The following RBMS1 variants were observed in gnomAD, a reference collection of about 807,000 sequenced individuals.
RBMS1 encodes the protein RNA-binding motif, single-stranded-interacting protein 1.
RBMS1 carries 17 observed loss-of-function variants against 62.3 expected under a neutral mutation model. The ratio of observed to expected loss-of-function variants is 0.27; its 90% CI spans 0.19 to 0.41. The LOEUF (loss-of-function observed/expected upper bound fraction) is 0.41, where lower values mean the gene tolerates loss of function less well. RBMS1 is among the 10% of genes least tolerant of loss of function. The pLI is 1.00. For missense variants in RBMS1, 334 were observed against 504.5 expected (o/e 0.66, Z 3.24); for synonymous variants, 172 against 170.0 (o/e 1.01, Z -0.09).
chr2:160,304,283 T>C (rs543197459), intron 4 of RBMS1, among the ~76,000 whole-genome samples: 19 of 152,204 alleles, frequency 1.2e-4, no homozygotes, highest in Non-Finnish European at 2.4e-4. Context: ...AGAATAATTA[T>C]GTAACTGTAG....
chr2:160,296,939 T>C (rs1461962073), intron 6 of RBMS1, among the ~76,000 whole-genome samples: 2 of 152,192 alleles, frequency 1.3e-5, no homozygotes, highest in Admixed American at 6.5e-5. Context: ...ATAAATCTTC[T>C]TGATATGGTG....
intron 1 of RBMS1, among the ~76,000 whole-genome samples, chr2:160,420,849 C>A (rs1696396339): frequency 6.6e-6 from 1 of 152,188 alleles, no homozygotes; most frequent in African/African-American, 2.4e-5. Flanking sequence ...TGCTATAAAA[C>A]AAGTTTTGCT....
At chr2:160,464,495 A>G (rs181719818) in intron 1 of RBMS1, among the ~76,000 whole-genome samples, 209 of 152,324 alleles carry the variant, frequency 1.4e-3, no homozygotes, top group East Asian at 1.4e-3. Context: ...CTTGAAATTC[A>G]TGGTGAGAGG....
intron 1 of RBMS1, among the ~76,000 whole-genome samples, chr2:160,434,418 C>T (rs1444811685): frequency 6.6e-6 from 1 of 152,062 alleles, no homozygotes; most frequent in Admixed American, 6.6e-5. Flanking sequence ...TGAGTGTGAG[C>T]TCCTTTTCCC....
At chr2:160,453,227 T>C (rs1484899606) in intron 1 of RBMS1, among the ~76,000 whole-genome samples, 1 of 150,850 alleles carries the variant, frequency 6.6e-6, no homozygotes, top group Non-Finnish European at 1.5e-5. Context: ...AAAAAATATG[T>C]GCAAAACCCT....
In RBMS1 at chr2:160,468,039, A is replaced by C. The variant is rs1209632480; in HGVS notation, c.75+25250T>G. 3.3e-5 allele frequency among the ~76,000 whole-genome samples: 5 copies of C among 152,310 alleles called. No homozygotes were observed. The East Asian group carries it at 9.7e-4, about 29-fold the overall frequency. ...CCCTGAATGGCTATCACAAGCAAAC[A>C]CAAATCTCCTCTGAAGAGCTTGACT... On this transcript the variant is annotated intron_variant, in intron 1 of 13. Transcript: ENST00000348849.
At chr2:160,418,665 T>C (rs1275101172) in intron 1 of RBMS1, among the ~76,000 whole-genome samples, 1 of 152,166 alleles carries the variant, frequency 6.6e-6, no homozygotes, top group East Asian at 1.9e-4. Context: ...ACTGCTGGTG[T>C]GATGATAAAA....
At chr2:160,420,295 C>T (rs763997751) in intron 1 of RBMS1, among the ~76,000 whole-genome samples, 4 of 152,164 alleles carry the variant, frequency 2.6e-5, no homozygotes, top group Non-Finnish European at 4.4e-5. Context: ...TCTTCTCTAG[C>T]TCTGAGCTTT....
intron 3 of RBMS1, 23 bp downstream of exon 3, chr2:160,318,146 A>T: frequency 2.5e-6 from 4 of 1,588,692 alleles, no homozygotes; most frequent in Middle Eastern, 1.7e-4. Flanking sequence ...TCATTTACCA[A>T]ATAACCAGCC....
intron 2 of RBMS1, among the ~76,000 whole-genome samples, chr2:160,318,647 T>C (rs1338869927): frequency 6.6e-6 from 1 of 152,220 alleles, no homozygotes; most frequent in Non-Finnish European, 1.5e-5. Context: ...TATGAAATAG[T>C]AACAGCGGAA....
At chr2:160,352,630 T>C (rs1323638416) in intron 2 of RBMS1, among the ~76,000 whole-genome samples, 2 of 152,076 alleles carry the variant, frequency 1.3e-5, no homozygotes, top group Non-Finnish European at 2.9e-5. Context: ...ATTAGGAAAG[T>C]TGTAACTCTG....
chr2:160,448,719 G>A (rs1002639457), intron 1 of RBMS1, among the ~76,000 whole-genome samples: 2 of 152,236 alleles, frequency 1.3e-5, no homozygotes, highest in East Asian at 1.9e-4. Context: ...CCGCCAACCC[G>A]TCTGGGAAGT....
chr2:160,375,348 A>G (rs1340309817), intron 1 of RBMS1, among the ~76,000 whole-genome samples: 22 of 152,348 alleles, frequency 1.4e-4, no homozygotes, highest in Admixed American at 1.3e-3. Context: ...CGACTTAGTC[A>G]TAAGTGATTC....
In RBMS1 at chr2:160,286,096, G is replaced by T. The variant is rs559852349; in HGVS notation, c.756+873C>A. The stretch of plus-strand genomic sequence containing the variant: ...ACTGCCCTCCAGCCTGAGCGACAGA[G>T]CAAGACTCCATCTCAAAAATAAAAA... On this transcript the variant is annotated intron_variant, in intron 7 of 13. Coordinates refer to ENST00000348849, the MANE Select transcript of RBMS1 (RefSeq NM_016836.4). 2.0e-5 allele frequency among the ~76,000 whole-genome samples: 3 copies of T among 151,794 alleles called. No individual in the cohort carries two copies. The South Asian group carries it at 6.2e-4, about 32-fold the overall frequency.
At chr2:160,407,465 T>C (rs1295749192) in intron 1 of RBMS1, 3 of 986,052 alleles carry the variant, frequency 3.0e-6, no homozygotes, top group Non-Finnish European at 3.6e-6. Context: ...CCGCCTCACC[T>C]GCTTGCGATA....
intron 3 of RBMS1, among the ~76,000 whole-genome samples, chr2:160,317,021 T>C (rs1274637014): frequency 6.6e-6 from 1 of 152,232 alleles, no homozygotes; most frequent in Admixed American, 6.5e-5. Context: ...GTTTAATTCA[T>C]TTAAAATATT....
intron 1 of RBMS1, among the ~76,000 whole-genome samples, chr2:160,425,186 C>A (rs1164446304): frequency 6.6e-6 from 1 of 152,082 alleles, no homozygotes; most frequent in African/African-American, 2.4e-5. Context: ...ATAAGGTAGT[C>A]CAGAATCTCA....
At chr2:160,368,144 C>T (rs190442825) in intron 1 of RBMS1, among the ~76,000 whole-genome samples, 9 of 152,194 alleles carry the variant, frequency 5.9e-5, no homozygotes, top group Admixed American at 2.6e-4. Flanking sequence ...CTCTGTGCAC[C>T]GACTGAAAGA....
At chr2:160,277,196 C>A in intron 12 of RBMS1, 107 bp downstream of exon 12, 2 of 1,062,706 alleles carry the variant, frequency 1.9e-6, no homozygotes, top group Non-Finnish European at 2.8e-6. Flanking sequence ...AAACGCAATT[C>A]TTTATGCAAA....
Sources: gnomAD v4.1 joint callset for allele counts (sites outside exome capture counted in the v4.1 genomes callset) on GRCh38, gnomAD v4.1.1 for gene constraint, MANE v1.5 for transcripts, NCBI Gene and HGNC (gene_info 2026-07-23, HGNC 2026-07-21) for gene names.